SKIC3: variants seen among roughly 807,000 people sequenced by gnomAD.
SKIC3 encodes the protein SKI3 subunit of superkiller complex, also known as superkiller complex protein 3.
chr5:95,500,158 T>C, the SKIC3 span, among the ~76,000 whole-genome samples: 1 of 152,208 alleles, frequency 6.6e-6, no homozygotes, highest in African/African-American at 2.4e-5. Flanking sequence ...CTGGGATTCC[T>C]CTGCTTCTAG....
chr5:95,541,505 G>A, the SKIC3 span: 2 of 929,244 alleles, frequency 2.2e-6, no homozygotes. Context: ...TTTTAAATTA[G>A]AACATATCTT....
the SKIC3 span, chr5:95,484,849 T>G: frequency 6.2e-7 from 1 of 1,613,774 alleles, no homozygotes; most frequent in Non-Finnish European, 8.5e-7. Context: ...TCTTTAACTG[T>G]AAACAAAAAA....
chr5:95,497,176 T>C, the SKIC3 span, among the ~76,000 whole-genome samples: 2 of 152,210 alleles, frequency 1.3e-5, no homozygotes, highest in South Asian at 4.1e-4. Context: ...TACTTCTTTG[T>C]AGCTCCCACT....
chr5:95,469,732 T>C, the SKIC3 span: 1 of 1,611,216 alleles, frequency 6.2e-7, no homozygotes, highest in South Asian at 1.1e-5. Context: ...CCTAGAAAGA[T>C]TTAAAGTGAA....
At chr5:95,483,840 C>T in the SKIC3 span, among the ~76,000 whole-genome samples, 3 of 152,118 alleles carry the variant, frequency 2.0e-5, no homozygotes, top group Admixed American at 1.3e-4. Context: ...AGCATAGAGC[C>T]CTCCAATCCT....
the SKIC3 span, chr5:95,464,497 G>A: frequency 1.2e-6 from 1 of 845,244 alleles, no homozygotes; most frequent in South Asian, 1.6e-5. Flanking sequence ...GATTCCTTTA[G>A]AAAAGGAATA....
the SKIC3 span, chr5:95,521,919 G>A: frequency 9.8e-7 from 1 of 1,023,040 alleles, no homozygotes; most frequent in Non-Finnish European, 1.4e-6. Flanking sequence ...TATACTGTAA[G>A]AGGTTCATAT....
chr5:95,488,009 A>G, the SKIC3 span, among the ~76,000 whole-genome samples: 6 of 152,068 alleles, frequency 3.9e-5, no homozygotes, highest in African/African-American at 1.4e-4. Context: ...TAACCAAACA[A>G]ATTCTAGAAA....
chr5:95,472,635 C>CTT, the SKIC3 span, among the ~76,000 whole-genome samples: 3 of 145,992 alleles, frequency 2.1e-5, no homozygotes, highest in Admixed American at 6.9e-5. Flanking sequence ...CTCCTGATGC[C>CTT]TTTTTTTTTT....
At chr5:95,532,504 C>G in the SKIC3 span, among the ~76,000 whole-genome samples, 1 of 152,036 alleles carries the variant, frequency 6.6e-6, no homozygotes, top group Non-Finnish European at 1.5e-5. Flanking sequence ...TATAAAGAGA[C>G]AAGGAATATT....
chr5:95,529,158 C>G, the SKIC3 span: 3 of 1,440,230 alleles, frequency 2.1e-6, no homozygotes, highest in South Asian at 3.5e-5. Flanking sequence ...CATAGATGAA[C>G]AGCACCAATG....
chr5:95,496,167 G>A, the SKIC3 span, among the ~76,000 whole-genome samples: 84 of 151,998 alleles, frequency 5.5e-4, no homozygotes, highest in African/African-American at 1.7e-3. Flanking sequence ...ACAGGCGTGC[G>A]CCACCATGCC....
chr5:95,517,403 G>A, the SKIC3 span: 2 of 1,490,612 alleles, frequency 1.3e-6, no homozygotes, highest in Non-Finnish European at 1.8e-6. Context: ...ACTTAAAACA[G>A]AAAAACTGTA....
chr5:95,477,584 C>T, the SKIC3 span, among the ~76,000 whole-genome samples: 1 of 152,132 alleles, frequency 6.6e-6, no homozygotes, highest in Non-Finnish European at 1.5e-5. Context: ...GAAAAATTCT[C>T]CTCTACTATC....
chr5:95,491,187 G>A, the SKIC3 span: 5 of 1,171,648 alleles, frequency 4.3e-6, no homozygotes, highest in Admixed American at 1.1e-4. Context: ...AATTGCACTT[G>A]TTTTCAGAGA....
At chr5:95,529,304 A>G in the SKIC3 span, 1 of 618,566 alleles carries the variant, frequency 1.6e-6, no homozygotes, top group South Asian at 1.8e-5. Flanking sequence ...GACCTCCACC[A>G]TCTTTATCCC....
the SKIC3 span, chr5:95,516,736 T>C: frequency 1.9e-6 from 3 of 1,613,294 alleles, no homozygotes; most frequent in Non-Finnish European, 2.5e-6. Context: ...CGAGTCTCAC[T>C]GCTTTTTTCA....
chr5:95,523,551 GA>G, the SKIC3 span: 11 of 1,379,524 alleles, frequency 8.0e-6, no homozygotes, highest in South Asian at 1.4e-5. Flanking sequence ...TGCACCTATA[GA>G]AAAAAAACTA....
At chr5:95,476,108 C>T in the SKIC3 span, among the ~76,000 whole-genome samples, 1 of 152,216 alleles carries the variant, frequency 6.6e-6, no homozygotes, top group Non-Finnish European at 1.5e-5. Flanking sequence ...ACTGGCCCTG[C>T]AAAGGGAGGC....
Sources: gnomAD v4.1 joint callset for allele counts (sites outside exome capture counted in the v4.1 genomes callset) on GRCh38, gnomAD v4.1.1 for gene constraint, MANE v1.5 for transcripts, NCBI Gene and HGNC (gene_info 2026-07-23, HGNC 2026-07-21) for gene names.